Variants in MACF1 observed in about 807,000 individuals in gnomAD.
The protein encoded by MACF1 is microtubule-actin cross-linking factor 1.
MACF1 carries 193 observed loss-of-function variants against 854.8 expected under a neutral mutation model. The observed-to-expected ratio is 0.23, with a 90% confidence interval of 0.20 to 0.25. The LOEUF (loss-of-function observed/expected upper bound fraction) is 0.25. Ranked by LOEUF, MACF1 falls within the 10% of genes least tolerant of loss-of-function variation. The pLI is 1.00. For missense variants in MACF1, 7,722 were observed against 8,929.1 expected (o/e 0.86, Z 5.45); for synonymous variants, 3,185 against 3,226.7 (o/e 0.99, Z 0.44).
chr1:39,322,535 G>A (rs1016229955), intron 31 of MACF1, 73 bp from the exon 32 acceptor site: 2 of 1,296,162 alleles, frequency 1.5e-6, no homozygotes, highest in African/African-American at 2.9e-5. Flanking sequence ...GCAATAAAAA[G>A]CTATGATTTA....
At position 39,447,674 on chromosome 1, in the gene MACF1, G is replaced by A. The variant is rs1283616156; in HGVS notation, c.19762-18G>A. Reference sequence around the variant, plus strand: ...TTATCTTATCTTAAGCTAAAAAAGAGCACTATTGTTCCCTCAGGTTTTTGC... The same window carrying A: ...TTATCTTATCTTAAGCTAAAAAAGAACACTATTGTTCCCTCAGGTTTTTGC... On this transcript the variant is annotated intron_variant, in intron 81 of 100. Coordinates refer to ENST00000564288, the MANE Select transcript of MACF1 (RefSeq NM_001394062.1). The A allele has an allele frequency of 7.4e-6, 12 of 1,613,744 alleles. No individual in the cohort carries two copies. The highest frequency in any genetic ancestry group is 1.0e-5 in the Non-Finnish European group (12 of 1,179,804).
intron 6 of MACF1, chr1:39,268,773 A>G (rs2148355687): frequency 7.8e-7 from 1 of 1,289,746 alleles, no homozygotes; most frequent in South Asian, 1.2e-5. Context: ...CATATCTCCT[A>G]AGAAAAGGGT....
intron 91 of MACF1, chr1:39,459,946 A>AG: frequency 1.4e-6 from 1 of 706,406 alleles, no homozygotes; most frequent in Non-Finnish European, 2.2e-6. Context: ...TGAAAGACCA[A>AG]GGGGAAACTG....
At chr1:39,146,449 CAA>C (rs775912882) in intron 2 of MACF1, among the ~76,000 whole-genome samples, 44 of 92,970 alleles carry the variant, frequency 4.7e-4, no homozygotes, top group Non-Finnish European at 5.3e-4. Context: ...TCTCCTCTCC[CAA>C]AAAAAAAAAA....
intron 58 of MACF1, among the ~76,000 whole-genome samples, chr1:39,404,773 T>C (rs560322832): frequency 7.1e-4 from 108 of 152,296 alleles, no homozygotes; most frequent in African/African-American, 2.5e-3. Context: ...GTGTGAGCCA[T>C]TGAGCCCAGC....
chr1:39,335,597 T>G lies in MACF1; in HGVS notation c.9009T>G (p.Thr3003=). ...CTGAAGAAAAGTTGTATCAGGAAAC[T>G]GCCATTAGAGATGAGCATGACTCCC... ...FLSEEKLYQE[T]AIRDEHDSHI... The change falls in exon 37 of 101, where the codon ACT becomes ACG. Residue 3003 remains threonine, a synonymous_variant. Transcript: ENST00000564288. The G allele has an allele frequency of 6.2e-7, 1 of 1,614,118 alleles. No individual in the cohort carries two copies. The highest frequency in any genetic ancestry group is 8.5e-7 in the Non-Finnish European group (1 of 1,179,992).
chr1:39,127,219 T>A (rs1481094340), intron 2 of MACF1, among the ~76,000 whole-genome samples: 1 of 152,204 alleles, frequency 6.6e-6, no homozygotes, highest in Non-Finnish European at 1.5e-5. Flanking sequence ...AGAGACTCTA[T>A]CTCAAAAAGA....
chr1:39,257,410 C>G (rs1645109596), intron 5 of MACF1: 1 of 152,976 alleles, frequency 6.5e-6, no homozygotes, highest in Admixed American at 6.5e-5. Flanking sequence ...TCACGCCATT[C>G]TCCTGCCTCA....
intron 58 of MACF1, among the ~76,000 whole-genome samples, chr1:39,421,119 C>T: frequency 6.6e-6 from 1 of 152,302 alleles, no homozygotes; most frequent in East Asian, 1.9e-4. Flanking sequence ...CCCGCCTCGG[C>T]CTCCCAAAGT....
At chr1:39,329,892 C>T (rs1646687012) in intron 36 of MACF1, among the ~76,000 whole-genome samples, 1 of 152,192 alleles carries the variant, frequency 6.6e-6, no homozygotes, top group South Asian at 2.1e-4. Context: ...TGTGACTCTA[C>T]TGTACTTGTC....
intron 47 of MACF1, among the ~76,000 whole-genome samples, chr1:39,360,500 T>C (rs1366188468): frequency 6.6e-6 from 1 of 151,822 alleles, no homozygotes; most frequent in East Asian, 1.9e-4. Flanking sequence ...TTCAAACTTA[T>C]TCCTTCTATT....
intron 79 of MACF1, 43 bp downstream of exon 79, chr1:39,443,617 C>T (rs770243603): frequency 5.2e-6 from 8 of 1,551,458 alleles, no homozygotes; most frequent in Non-Finnish European, 6.9e-6. Flanking sequence ...ATCCCATATT[C>T]ACTAGCTCCT....
At chr1:39,420,503 A>G (rs1210616394) in intron 58 of MACF1, among the ~76,000 whole-genome samples, 1 of 152,232 alleles carries the variant, frequency 6.6e-6, no homozygotes, top group Non-Finnish European at 1.5e-5. Flanking sequence ...AATGTTGCCT[A>G]AGAAAATATG....
chr1:39,160,239 G>A, intron 2 of MACF1, among the ~76,000 whole-genome samples: 1 of 152,166 alleles, frequency 6.6e-6, no homozygotes, highest in East Asian at 1.9e-4. Flanking sequence ...ATCACTCTGA[G>A]TTCATCTTAG....
intron 90 of MACF1, 159 bp downstream of exon 90, chr1:39,458,649 A>G: frequency 1.1e-6 from 1 of 872,922 alleles, no homozygotes; most frequent in Non-Finnish European, 1.7e-6. Flanking sequence ...TCTTACATTG[A>G]CAGACAGTAG....
Position 39,458,352 on chromosome 1 carries a change from A to AT in MACF1, c.21076-12dup, listed in dbSNP as rs763321847. The AT allele has an allele frequency of 1.4e-5, 22 of 1,609,582 alleles. No homozygotes were observed. In the South Asian group the frequency reaches 2.3e-4, roughly 17 times the overall value. ...AATACAATATTTAACTCTTTTTCCT[A>AT]TTTTTTGTGTTTAACAGACATTTAT... On this transcript the variant is annotated splice_polypyrimidine_tract_variant and intron_variant, in intron 89 of 100. Coordinates refer to ENST00000564288, the MANE Select transcript of MACF1 (RefSeq NM_001394062.1).
intron 26 of MACF1, among the ~76,000 whole-genome samples, chr1:39,313,485 T>C (rs1646343571): frequency 1.3e-5 from 2 of 152,144 alleles, no homozygotes; most frequent in South Asian, 4.1e-4. Flanking sequence ...AACATGTACA[T>C]TCTATGGAAA....
rs748951832 is a variant in MACF1, at chr1:39,314,454, T to TAC, written c.3271-1046_3271-1045dup. On this transcript the variant is annotated intron_variant, in intron 26 of 100. Coordinates refer to ENST00000564288, the MANE Select transcript of MACF1 (RefSeq NM_001394062.1). ...ATATATTTACAAATATATATATGCATACACACACACACACGTGTTACATAT... is the reference window on the plus strand; with the variant it reads ...ATATATTTACAAATATATATATGCATACACACACACACACACGTGTTACATAT... Among the ~76,000 whole-genome samples the TAC allele has an allele frequency of 4.0e-5, 6 of 151,038 alleles. No individual in the cohort carries two copies. In the East Asian group the frequency reaches 5.8e-4, roughly 15 times the overall value.
intron 2 of MACF1, among the ~76,000 whole-genome samples, chr1:39,153,426 A>G (rs900791467): frequency 1.3e-5 from 2 of 152,110 alleles, no homozygotes; most frequent in Non-Finnish European, 2.9e-5. Flanking sequence ...TTACATAAGC[A>G]CCTTAGGGAG....
Sources: allele counts gnomAD v4.1 joint callset (sites outside exome capture counted in the v4.1 genomes callset), GRCh38; gene constraint gnomAD v4.1.1; transcripts MANE v1.5; gene names NCBI Gene and HGNC (gene_info 2026-07-23, HGNC 2026-07-21).